AKAP9: variants seen among roughly 807,000 people sequenced by gnomAD.
The protein encoded by AKAP9 is A-kinase anchor protein 9.
A neutral mutation model predicts 488.5 loss-of-function variants in AKAP9; 311 were observed. That is an observed-to-expected ratio of 0.64 (90% CI 0.58 to 0.70). AKAP9 has a LOEUF of 0.70. Among genes scored for constraint, AKAP9 ranks in the 30% least tolerant of loss-of-function variants. The pLI, the probability that AKAP9 is intolerant of heterozygous loss-of-function variation, is 0.00. For synonymous variants in AKAP9, 1,462 were observed against 1,483.5 expected (o/e 0.99, Z 0.33); for missense variants, 4,215 against 4,374.5 (o/e 0.96, Z 1.03).
At chr7:92,105,878 C>G in intron 47 of AKAP9, 115 bp downstream of exon 47, 1 of 933,430 alleles carries the variant, frequency 1.1e-6, no homozygotes, top group South Asian at 1.3e-5. Flanking sequence ...GGCCGCACAG[C>G]AGCAGGTGAG....
chr7:92,009,502 A>G (rs555699072), intron 8 of AKAP9, among the ~76,000 whole-genome samples: 11 of 152,214 alleles, frequency 7.2e-5, no homozygotes, highest in African/African-American at 1.7e-4. Flanking sequence ...TCCTCCAACC[A>G]GAAATATTAG....
intron 47 of AKAP9, 91 bp downstream of exon 47, chr7:92,105,854 C>A: frequency 8.4e-7 from 1 of 1,191,886 alleles, no homozygotes; most frequent in Non-Finnish European, 1.2e-6. Flanking sequence ...TTGTCTGTGG[C>A]CTGTTAGGAA....
chr7:91,983,500 C>T (rs1034639258), intron 3 of AKAP9, among the ~76,000 whole-genome samples: 4 of 152,014 alleles, frequency 2.6e-5, no homozygotes, highest in African/African-American at 7.3e-5. Flanking sequence ...TGAATAGTGC[C>T]GCAATAAACA....
chr7:92,102,442 TTACTATTACTAC>T (rs1030203740), intron 45 of AKAP9, 140 bp from the exon 46 acceptor site: 5 of 554,284 alleles, frequency 9.0e-6, no homozygotes, highest in African/African-American at 7.2e-5. Context: ...ACCTGCCGTT[TTACTATTACTAC>T]TACTACTACT....
At chr7:91,953,419 C>G (rs1278469466) in intron 1 of AKAP9, among the ~76,000 whole-genome samples, 3 of 152,196 alleles carry the variant, frequency 2.0e-5, no homozygotes, top group Non-Finnish European at 4.4e-5. Flanking sequence ...CGTCTAGGCT[C>G]AAATCCTGAC....
chr7:91,970,400 G>A (rs1190851718), intron 1 of AKAP9: 2 of 442,098 alleles, frequency 4.5e-6, no homozygotes, highest in East Asian at 7.0e-5. Flanking sequence ...GTTTGTCCAC[G>A]TACTTAATTT....
chr7:92,060,930 C>T (rs1416465217), intron 22 of AKAP9, among the ~76,000 whole-genome samples: 2 of 152,128 alleles, frequency 1.3e-5, no homozygotes, highest in Non-Finnish European at 2.9e-5. Context: ...ATACAATAAA[C>T]GCCTGTGCTT....
chr7:92,083,694 TG>T lies in AKAP9; in HGVS notation c.8646+41del, dbSNP rs780369984. The T allele has an allele frequency of 4.1e-5, 65 of 1,573,758 alleles. No individual in the cohort carries two copies. The Middle Eastern group carries it at 5.1e-4, about 12-fold the overall frequency. ...ATAATATGTGTTTTTCAACATTGTG[TG>T]GTTTTTTAAAAAAAAAAAATCAGTT... is the stretch of plus-strand genomic sequence containing the variant. On this transcript the variant is annotated intron_variant, in intron 33 of 49. Transcript: ENST00000356239.
chr7:92,092,060 T>G (rs1250267439), intron 38 of AKAP9: 1 of 152,174 alleles, frequency 6.6e-6, no homozygotes, highest in Non-Finnish European at 1.5e-5. Flanking sequence ...ACCTAAATCC[T>G]AAAATAATGA....
intron 22 of AKAP9, among the ~76,000 whole-genome samples, chr7:92,055,333 G>A (rs1808599549): frequency 6.6e-6 from 1 of 152,014 alleles, no homozygotes; most frequent in African/African-American, 2.4e-5. Flanking sequence ...AACACATTTT[G>A]CCTTCAAGTA....
At position 92,001,726 on chromosome 7, in the gene AKAP9, A is replaced by G. The variant is rs1329984046; in HGVS notation, c.1809A>G (p.Leu603=). ...ATTACAAGATAAAACTTGAAATGTT[A>G]GAAAAAGAAAAGAATGCTGTGTTAG... is the stretch of plus-strand genomic sequence containing the variant. ...VTNYKIKLEM[L]EKEKNAVLDR... The change falls in exon 8 of 50, where the codon TTA becomes TTG. Residue 603 remains leucine (L), a synonymous_variant. Transcript: ENST00000356239. The G allele has an allele frequency of 9.9e-6, 16 of 1,612,912 alleles. No individual in the cohort carries two copies. In the East Asian group the frequency reaches 3.3e-4, roughly 34 times the overall value.
intron 3 of AKAP9, among the ~76,000 whole-genome samples, chr7:91,989,321 C>G (rs1193731004): frequency 2.0e-5 from 3 of 152,074 alleles, no homozygotes; most frequent in Admixed American, 6.5e-5. Context: ...ATTCCAAGAT[C>G]TCTTTTGTAG....
At position 92,002,017 on chromosome 7, in the gene AKAP9, A is replaced by C; in HGVS notation, c.2100A>C (p.Ser700=). 1.9e-6 allele frequency: 3 copies of C among 1,611,226 alleles called. No individual in the cohort carries two copies. Among genetic ancestry groups the C allele is most frequent in the Non-Finnish European group, 2.5e-6 (3 of 1,179,128 alleles). ...AGAATCAATTAATTTTGGAAATTTC[A>C]AAGCTAAAAGATTTACAGCAGTCTC... ...TKQNQLILEI[S]KLKDLQQSLV... is the part of the protein sequence containing the mutation. The change falls in exon 8 of 50, where the codon TCA becomes TCC. Residue 700 remains serine (S), a synonymous_variant. Transcript: ENST00000356239.
In AKAP9 at chr7:92,066,590, C is replaced by T. The variant is rs1258605057; in HGVS notation, c.6330+44C>T. 7 of 1,607,736 alleles carry T rather than the reference C, an allele frequency of 4.4e-6. No individual in the cohort carries two copies. The Admixed American group carries it at 5.0e-5, about 11-fold the overall frequency. On this transcript the variant is annotated intron_variant, in intron 26 of 49. Coordinates refer to ENST00000356239, the MANE Select transcript of AKAP9 (RefSeq NM_005751.5). ...TTGCCCAACTTACAGTAATTTGTAT[C>T]AAGTGTAAAATAAGATGCATATCAT...
Position 91,995,696 on chromosome 7 carries a change from C to A in AKAP9, c.826C>A (p.Gln276Lys). 1 of 1,613,886 alleles carries A rather than the reference C, an allele frequency of 6.2e-7. No individual in the cohort carries two copies. Among genetic ancestry groups the A allele is most frequent in the Non-Finnish European group, 8.5e-7 (1 of 1,179,790 alleles). Residue 276 changes from glutamine to lysine, a missense_variant, in exon 7 of 50, where the codon CAG (glutamine) becomes AAG (lysine). This residue lies in a region of AKAP9 where 2,361 missense variants were observed against 2,430.0 expected (regional missense o/e 0.97). Coordinates refer to ENST00000356239, the MANE Select transcript of AKAP9 (RefSeq NM_005751.5). ...AKQQILTHQQ[Q>K]LEEQDHLLED... Reference sequence around the variant, plus strand: ...ACAACAGATCCTCACTCATCAACAGCAGCTTGAAGAACAAGACCACTTATT... The same window carrying A: ...ACAACAGATCCTCACTCATCAACAGAAGCTTGAAGAACAAGACCACTTATT...
At chr7:92,053,482 A>G (rs1183487325) in intron 22 of AKAP9, among the ~76,000 whole-genome samples, 1 of 152,144 alleles carries the variant, frequency 6.6e-6, no homozygotes, top group Non-Finnish European at 1.5e-5. Context: ...CTTCTCCAAA[A>G]TTTGTTAATG....
chr7:92,053,059 T>G, intron 22 of AKAP9, 101 bp downstream of exon 22: 1 of 1,031,324 alleles, frequency 9.7e-7, no homozygotes, highest in Non-Finnish European at 1.5e-6. Flanking sequence ...GATAGCTGTT[T>G]GGCATTTTCA....
chr7:91,985,752 A>G (rs1044639131), intron 3 of AKAP9, among the ~76,000 whole-genome samples: 2 of 152,004 alleles, frequency 1.3e-5, no homozygotes, highest in African/African-American at 4.8e-5. Context: ...GGTTCACACA[A>G]TTCTCCTACC....
chr7:91,951,303 T>A (rs1792215726), intron 1 of AKAP9, among the ~76,000 whole-genome samples: 1 of 151,908 alleles, frequency 6.6e-6, no homozygotes, highest in South Asian at 2.1e-4. Flanking sequence ...TTCTCTCTAT[T>A]TTCTTTTATT....
Sources: gnomAD v4.1 joint callset for allele counts (sites outside exome capture counted in the v4.1 genomes callset) on GRCh38, gnomAD v4.1.1 for gene constraint, gnomAD v4.1.1 regional missense constraint, MANE v1.5 for transcripts, NCBI Gene and HGNC (gene_info 2026-07-23, HGNC 2026-07-21) for gene names.